The following ASCC3 variants were observed in gnomAD, a reference collection of about 807,000 sequenced individuals.
ASCC3 encodes the protein ASC-1 complex subunit P200.
ASCC3 carries 158 observed loss-of-function variants against 256.3 expected under a neutral mutation model. The observed-to-expected ratio is 0.62, with a 90% confidence interval of 0.54 to 0.70. The LOEUF (loss-of-function observed/expected upper bound fraction) is 0.70, where lower values mean the gene tolerates loss of function less well. ASCC3 is among the 30% of genes least tolerant of loss of function. ASCC3 has a pLI of 0.00. For missense variants in ASCC3, 2,259 were observed against 2,626.0 expected, an observed-to-expected ratio of 0.86 and a Z score of 3.05; for synonymous variants, 948 against 883.4, an observed-to-expected ratio of 1.07 and a Z score of -1.30.
chr6:100,619,229 CT>C (rs1164628160), intron 30 of ASCC3, among the ~76,000 whole-genome samples: 1 of 152,212 alleles, frequency 6.6e-6, no homozygotes, highest in Non-Finnish European at 1.5e-5. Flanking sequence ...CCCTATAACT[CT>C]AGCTTTGCTA....
Position 100,652,890 on chromosome 6 carries a change from C to G in ASCC3, c.2824-1G>C, listed in dbSNP as rs978667075. The G allele has an allele frequency of 6.2e-7, 1 of 1,613,442 alleles. No homozygotes were observed. The highest frequency in any genetic ancestry group is 1.3e-5 in the African/African-American group (1 of 74,878). ...GATGCTTTCTTAATGTTGGGTCAAT[C>G]TATGGCAAAAAATATATAAACAGTT... is the stretch of plus-strand genomic sequence containing the variant. On this transcript the variant is annotated splice_acceptor_variant, in intron 17 of 41. Transcript: ENST00000369162. LOFTEE classifies it high-confidence loss of function.
At chr6:100,766,121 TTTA>T (rs1781644973) in intron 10 of ASCC3, among the ~76,000 whole-genome samples, 4 of 152,186 alleles carry the variant, frequency 2.6e-5, no homozygotes, top group African/African-American at 9.6e-5. Context: ...CAGTGCATGA[TTTA>T]ATAATAATAA....
intron 30 of ASCC3, among the ~76,000 whole-genome samples, chr6:100,623,430 A>T (rs1774063466): frequency 6.6e-6 from 1 of 152,332 alleles, no homozygotes; most frequent in South Asian, 2.1e-4. Flanking sequence ...CTGAAATATC[A>T]GTTAACTATT....
chr6:100,765,972 T>C (rs1313191460), intron 10 of ASCC3, among the ~76,000 whole-genome samples: 3 of 152,348 alleles, frequency 2.0e-5, no homozygotes, highest in South Asian at 4.1e-4. Flanking sequence ...TACTTATATA[T>C]TGCTTTCAAT....
chr6:100,662,096 T>A, intron 15 of ASCC3, 66 bp from the exon 16 acceptor site: 1 of 1,476,674 alleles, frequency 6.8e-7, no homozygotes, highest in Non-Finnish European at 9.4e-7. Flanking sequence ...ATGAACTGAA[T>A]ACTGAAATTA....
intron 4 of ASCC3, among the ~76,000 whole-genome samples, chr6:100,836,414 C>G (rs1771878177): frequency 6.6e-6 from 1 of 151,996 alleles, no homozygotes; most frequent in Non-Finnish European, 1.5e-5. Flanking sequence ...TGTTGAGGTA[C>G]ATTCCTTCTA....
chr6:100,685,854 T>C (rs777133601), intron 13 of ASCC3, among the ~76,000 whole-genome samples: 4 of 152,242 alleles, frequency 2.6e-5, no homozygotes, highest in Non-Finnish European at 5.9e-5. Context: ...GAATCATCCA[T>C]AGTTAGACAC....
chr6:100,733,382 C>T, intron 10 of ASCC3, among the ~76,000 whole-genome samples: 1 of 151,850 alleles, frequency 6.6e-6, no homozygotes, highest in Non-Finnish European at 1.5e-5. Flanking sequence ...CTTATGAATA[C>T]ATTAATGCCC....
intron 36 of ASCC3, among the ~76,000 whole-genome samples, chr6:100,587,959 T>A (rs1293341020): frequency 1.3e-5 from 2 of 152,176 alleles, no homozygotes; most frequent in Non-Finnish European, 1.5e-5. Flanking sequence ...TTTCACAAAC[T>A]TCCTTTACAG....
Position 100,607,040 on chromosome 6 carries a change from G to A in ASCC3, c.4834C>T (p.Leu1612Phe), listed in dbSNP as rs1250218716. The A allele has an allele frequency of 5.0e-6, 8 of 1,613,530 alleles. No individual in the cohort carries two copies. The highest frequency in any genetic ancestry group is 1.3e-5 in the African/African-American group (1 of 74,874). ...TGATGCATTCCTATCCCGAAAGCAA[G>A]GGTCAGCTTGAGGTTGGAATCTCTT... ...TVRDSNLKLT[L>F]AFGIGMHHAG... The change falls in exon 31 of 42, where the codon CTT (leucine) becomes TTT (phenylalanine). Residue 1612 changes from leucine to phenylalanine, a missense_variant. Transcript: ENST00000369162.
chr6:100,667,463 A>G (rs1776536164), intron 14 of ASCC3, among the ~76,000 whole-genome samples: 1 of 152,124 alleles, frequency 6.6e-6, no homozygotes, highest in Admixed American at 6.6e-5. Flanking sequence ...TCAAGTTTTT[A>G]AGCAGTATCA....
chr6:100,734,348 T>C (rs1221441867), intron 10 of ASCC3, among the ~76,000 whole-genome samples: 1 of 152,168 alleles, frequency 6.6e-6, no homozygotes, highest in Non-Finnish European at 1.5e-5. Context: ...AAATATCAGA[T>C]ATTTCAACAA....
At chr6:100,623,622 G>A (rs1280778169) in intron 30 of ASCC3, among the ~76,000 whole-genome samples, 1 of 152,056 alleles carries the variant, frequency 6.6e-6, no homozygotes, top group Non-Finnish European at 1.5e-5. Context: ...ATTACAAAGT[G>A]GGAACACTGA....
intron 13 of ASCC3, among the ~76,000 whole-genome samples, chr6:100,692,975 C>T (rs1377351620): frequency 6.6e-6 from 1 of 151,536 alleles, no homozygotes; most frequent in Non-Finnish European, 1.5e-5. Context: ...ATAAATATAA[C>T]CTACAATTTA....
chr6:100,673,853 C>A (rs1004128910), intron 14 of ASCC3, among the ~76,000 whole-genome samples: 1 of 152,184 alleles, frequency 6.6e-6, no homozygotes, highest in African/African-American at 2.4e-5. Flanking sequence ...GCCCTCCATG[C>A]ACCTTACATT....
chr6:100,600,057 T>A (rs1562153215), intron 34 of ASCC3, among the ~76,000 whole-genome samples: 1 of 152,048 alleles, frequency 6.6e-6, no homozygotes, highest in Non-Finnish European at 1.5e-5. Context: ...ACACCATTAG[T>A]AAAGGATAGT....
At chr6:100,652,615 A>G in intron 18 of ASCC3, 110 bp downstream of exon 18, 2 of 1,190,686 alleles carry the variant, frequency 1.7e-6, no homozygotes, top group South Asian at 2.7e-5. Flanking sequence ...CATATAAGTT[A>G]AATGGATTTT....
rs1487216894 is a variant in ASCC3, at chr6:100,848,604, G to A, written c.345C>T (p.Ile115=). Residue 115 remains isoleucine, a synonymous_variant, in exon 4 of 42, where the codon ATC becomes ATT. Coordinates refer to ENST00000369162, the MANE Select transcript of ASCC3 (RefSeq NM_006828.4). ...AAGGAAAGGGGCCAAACATCTGTTT[G>A]ATAGCCTTTGTTTCCTTGTGACCAA... ...DSVGHKETKA[I]KQMFGPFPSS... 8.7e-6 allele frequency: 14 copies of A among 1,613,994 alleles called. No individual in the cohort carries two copies. Among genetic ancestry groups the A allele is most frequent in the Non-Finnish European group, 1.2e-5 (14 of 1,180,026 alleles).
Position 100,508,724 on chromosome 6 carries a change from T to C in ASCC3, c.*662A>G, listed in dbSNP as rs1460695112. On this transcript the variant is annotated 3_prime_UTR_variant, in exon 42 of 42. Transcript: ENST00000369162. ...AAAGGAAGCAGAAGAAAACATTGAG[T>C]CAGCTTGTCTTGAAGTGCCACTCTA... The C allele has an allele frequency of 2.0e-5, 3 of 152,228 alleles. No homozygotes were observed. The highest frequency in any genetic ancestry group is 7.2e-5 in the African/African-American group (3 of 41,450). The allele number at this position is 152,228 out of a possible 1,614,324, so 9.4% of individuals were successfully genotyped here.
Sources: gnomAD v4.1 joint callset for allele counts (sites outside exome capture counted in the v4.1 genomes callset) on GRCh38, gnomAD v4.1.1 for gene constraint, MANE v1.5 for transcripts, NCBI Gene and HGNC (gene_info 2026-07-23, HGNC 2026-07-21) for gene names.